Variants in INTU observed in about 807,000 individuals in gnomAD.
The protein encoded by INTU is inturned planar cell polarity protein.
INTU carries 68 observed loss-of-function variants against 100.5 expected under a neutral mutation model. That is an observed-to-expected ratio of 0.68 (90% CI 0.56 to 0.83). The LOEUF is 0.83. INTU is among the 40% of genes least tolerant of loss of function. The pLI is 0.00. For missense variants in INTU, 1,071 were observed against 1,114.7 expected, an observed-to-expected ratio of 0.96 and a Z score of 0.56; for synonymous variants, 357 against 395.7, an observed-to-expected ratio of 0.90 and a Z score of 1.16.
At chr4:127,635,592 C>T (rs1366427130) in intron 1 of INTU, among the ~76,000 whole-genome samples, 5 of 152,140 alleles carry the variant, frequency 3.3e-5, no homozygotes, top group Admixed American at 6.5e-5. Flanking sequence ...GGAACTTCCA[C>T]CTAAAACACA....
chr4:127,645,220 C>T (rs1208385686), intron 2 of INTU, among the ~76,000 whole-genome samples: 3 of 151,978 alleles, frequency 2.0e-5, no homozygotes, highest in East Asian at 1.9e-4. Flanking sequence ...CTGGGTGGGC[C>T]GGTGACTACA....
chr4:127,673,391 C>T (rs1387961253), intron 5 of INTU, among the ~76,000 whole-genome samples: 2 of 150,852 alleles, frequency 1.3e-5, no homozygotes, highest in African/African-American at 4.9e-5. Flanking sequence ...TACTTTGTTC[C>T]CCAGGCTGGT....
intron 8 of INTU, among the ~76,000 whole-genome samples, chr4:127,699,641 A>G (rs1005036287): frequency 3.3e-5 from 5 of 152,244 alleles, no homozygotes; most frequent in African/African-American, 1.2e-4. Flanking sequence ...TATGAAATCA[A>G]AAGGGTTAAA....
rs535675032 is a variant in INTU, at chr4:127,725,294, C to G, written c.*8858C>G. 1 of 152,046 alleles carries G rather than the reference C, an allele frequency of 6.6e-6. No homozygotes were observed. The highest frequency in any genetic ancestry group is 6.6e-5 in the Admixed American group (1 of 15,252). 9.4% of individuals were successfully genotyped at this position (152,046 alleles called of 1,614,324 possible). ...TGCCACTCCAGCCTGGGCAACAGAACGAGGCTCTGTTTAAAAAACAAAAAA... is the reference window on the plus strand; with the variant it reads ...TGCCACTCCAGCCTGGGCAACAGAAGGAGGCTCTGTTTAAAAAACAAAAAA... On this transcript the variant is annotated 3_prime_UTR_variant, in exon 16 of 16. Coordinates refer to ENST00000335251, the MANE Select transcript of INTU (RefSeq NM_015693.4).
At position 127,725,851 on chromosome 4, in the gene INTU, A is replaced by G. The variant is rs984812029; in HGVS notation, c.*9415A>G. ...GCTCTGAAGGCAAACTTAGCTGCCT[A>G]TTTTTCCAAATATGTTCAGAATCAC... On this transcript the variant is annotated 3_prime_UTR_variant, in exon 16 of 16. Coordinates refer to ENST00000335251, the MANE Select transcript of INTU (RefSeq NM_015693.4). 6.6e-6 allele frequency: 1 copy of G among 152,132 alleles called. No homozygotes were observed. Among genetic ancestry groups the G allele is most frequent in the African/African-American group, 2.4e-5 (1 of 41,416 alleles). The allele number at this position is 152,132 out of a possible 1,614,324, so 9.4% of individuals were successfully genotyped here. A position where few individuals can be genotyped will look rare whatever the true frequency, so the allele number is the denominator to read the frequency against.
intron 5 of INTU, among the ~76,000 whole-genome samples, chr4:127,669,785 A>G (rs1433071077): frequency 6.6e-6 from 1 of 151,850 alleles, no homozygotes; most frequent in Non-Finnish European, 1.5e-5. Flanking sequence ...TTTAGCTCCC[A>G]TTTGTCCCTT....
Position 127,716,891 on chromosome 4 carries a change from C to T in INTU, c.*455C>T, listed in dbSNP as rs1731276141. 6.6e-6 allele frequency: 1 copy of T among 152,216 alleles called. No homozygotes were observed. The highest frequency in any genetic ancestry group is 1.5e-5 in the Non-Finnish European group (1 of 68,060). The allele number at this position is 152,216 out of a possible 1,614,324, so 9.4% of individuals were successfully genotyped here. ...AACTAAGTAGTGCTATGACCATGAG[C>T]AAGTTTTTGTACCTCTCTAAGCTCA... On this transcript the variant is annotated 3_prime_UTR_variant, in exon 16 of 16. Coordinates refer to ENST00000335251, the MANE Select transcript of INTU (RefSeq NM_015693.4).
At chr4:127,676,759 G>A (rs1190847117) in intron 6 of INTU, among the ~76,000 whole-genome samples, 1 of 152,156 alleles carries the variant, frequency 6.6e-6, no homozygotes, top group Non-Finnish European at 1.5e-5. Flanking sequence ...AGGACAGTGG[G>A]TGCAGCGCAC....
chr4:127,710,969 A>G lies in INTU; in HGVS notation c.2426A>G (p.Gln809Arg). The G allele has an allele frequency of 3.8e-6, 6 of 1,586,976 alleles. No homozygotes were observed. The highest frequency in any genetic ancestry group is 1.3e-5 in the African/African-American group (1 of 74,838). ...CACTACGTTGCCTTAGAAACAGTGC[A>G]AGGAATCTTTATTACTCCTACCCTT... ...LFHYVALETV[Q>R]GIFITPTLEE... The change falls in exon 14 of 16, where the codon CAA becomes CGA. Residue 809 changes from glutamine to arginine, a missense_variant. Transcript: ENST00000335251.
chr4:127,703,540 A>G (rs1226421237), intron 9 of INTU, among the ~76,000 whole-genome samples: 1 of 152,168 alleles, frequency 6.6e-6, no homozygotes, highest in Non-Finnish European at 1.5e-5. Context: ...AGATGATAAC[A>G]TATATTTTGT....
intron 3 of INTU, among the ~76,000 whole-genome samples, chr4:127,660,759 C>T (rs1365279192): frequency 2.6e-5 from 4 of 152,072 alleles, no homozygotes; most frequent in Non-Finnish European, 5.9e-5. Context: ...ACATAGGACA[C>T]GAAGGATCCT....
intron 1 of INTU, among the ~76,000 whole-genome samples, chr4:127,635,443 A>G (rs557033233): frequency 6.6e-6 from 1 of 152,304 alleles, no homozygotes; most frequent in African/African-American, 2.4e-5. Flanking sequence ...AGTTCATGTT[A>G]CAGAGAGTTT....
Position 127,725,011 on chromosome 4 carries a change from C to T in INTU, c.*8575C>T, listed in dbSNP as rs1211029145. The T allele has an allele frequency of 1.3e-5, 2 of 151,806 alleles. No individual in the cohort carries two copies. Among genetic ancestry groups the T allele is most frequent in the African/African-American group, 4.8e-5 (2 of 41,254 alleles). The allele number at this position is 151,806 out of a possible 1,614,324, so 9.4% of individuals were successfully genotyped here. On this transcript the variant is annotated 3_prime_UTR_variant, in exon 16 of 16. Coordinates refer to ENST00000335251, the MANE Select transcript of INTU (RefSeq NM_015693.4). ...CTACAGAAAATAGCTTGAGGCCAGG[C>T]ACAGTTGCTCACACCTGTAACTCCA...
chr4:127,643,988 G>C lies in INTU; in HGVS notation c.614G>C (p.Gly205Ala). 6.2e-7 allele frequency: 1 copy of C among 1,614,214 alleles called. No homozygotes were observed. The highest frequency in any genetic ancestry group is 1.3e-5 in the African/African-American group (1 of 75,058). ...AGAAGAACCGGAAAGCAGGGTGATG[G>C]AGAGAGGCTTGTGGTTCATGGCCTG... ...SWRRTGKQGD[G>A]ERLVVHGLLP... Residue 205 changes from glycine to alanine, a missense_variant, in exon 2 of 16, where the codon GGA becomes GCA. Transcript: ENST00000335251.
intron 1 of INTU, among the ~76,000 whole-genome samples, chr4:127,640,362 GTC>G (rs1727255988): frequency 6.6e-6 from 1 of 151,148 alleles, no homozygotes; most frequent in African/African-American, 2.4e-5. Context: ...CTGTGTGGGG[GTC>G]TCTTATTTAC....
At chr4:127,675,060 GA>G (rs1729113510) in intron 6 of INTU, among the ~76,000 whole-genome samples, 1 of 152,176 alleles carries the variant, frequency 6.6e-6, no homozygotes, top group Non-Finnish European at 1.5e-5. Context: ...GCCCTAAAGA[GA>G]TAGACTTAAC....
intron 1 of INTU, among the ~76,000 whole-genome samples, chr4:127,643,158 A>G (rs574281944): frequency 6.6e-6 from 1 of 152,206 alleles, no homozygotes; most frequent in East Asian, 1.9e-4. Context: ...GCAAATTATC[A>G]TTCAGTGAAA....
intron 8 of INTU, among the ~76,000 whole-genome samples, chr4:127,690,068 T>G (rs1158887135): frequency 6.6e-6 from 1 of 152,176 alleles, no homozygotes; most frequent in African/African-American, 2.4e-5. Context: ...TAGAGGTACT[T>G]AATGTTTTAG....
At chr4:127,646,718 A>T (rs1727607909) in intron 2 of INTU, among the ~76,000 whole-genome samples, 1 of 152,180 alleles carries the variant, frequency 6.6e-6, no homozygotes, top group African/African-American at 2.4e-5. Context: ...TCACAAAAGC[A>T]AGTTGGTACC....
Sources: allele counts gnomAD v4.1 joint callset (sites outside exome capture counted in the v4.1 genomes callset), GRCh38; gene constraint gnomAD v4.1.1; transcripts MANE v1.5; gene names NCBI Gene and HGNC (gene_info 2026-07-23, HGNC 2026-07-21).